The following USP20 variants were observed in gnomAD, a reference collection of about 807,000 sequenced individuals.
The protein encoded by USP20 is ubiquitin carboxyl-terminal hydrolase 20.
In USP20, 80 loss-of-function variants were observed where a neutral mutation model predicts 124.2. The ratio of observed to expected loss-of-function variants is 0.64; its 90% CI spans 0.54 to 0.78. The LOEUF (loss-of-function observed/expected upper bound fraction) is 0.78. Ranked by LOEUF, USP20 falls within the 30% of genes least tolerant of loss-of-function variation. The probability of loss-of-function intolerance (pLI) is 0.00; values close to 1 mark genes in which losing one functional copy is unlikely to be tolerated. For synonymous variants in USP20, 481 were observed against 512.3 expected (o/e 0.94, Z 0.83); for missense variants, 1,043 against 1,244.4 (o/e 0.84, Z 2.44).
At chr9:129,860,186 C>T (rs1460341921) in intron 6 of USP20, among the ~76,000 whole-genome samples, 2 of 152,116 alleles carry the variant, frequency 1.3e-5, no homozygotes, top group Non-Finnish European at 1.5e-5. Flanking sequence ...AAAAATTAGT[C>T]AGGCATAGTA....
In USP20 at chr9:129,848,202, A is replaced by C. The variant is rs1045760939; in HGVS notation, c.-128-1611A>C. Among the ~76,000 whole-genome samples the C allele has an allele frequency of 3.3e-5, 5 of 152,172 alleles. 1 individual carries two copies. The highest frequency in any genetic ancestry group is 1.2e-4 in the African/African-American group (5 of 41,422). ...TCCCAGCTACTCAAGGGGCTGAGGCAAGAGAATTGCTTGAACCCGGGAGGC... is the reference window on the plus strand; with the variant it reads ...TCCCAGCTACTCAAGGGGCTGAGGCCAGAGAATTGCTTGAACCCGGGAGGC... On this transcript the variant is annotated intron_variant, in intron 1 of 25. Transcript: ENST00000372429.
chr9:129,858,636 C>T, intron 6 of USP20, 38 bp downstream of exon 6: 1 of 1,607,878 alleles, frequency 6.2e-7, no homozygotes, highest in Non-Finnish European at 8.5e-7. Flanking sequence ...TTGTTGGTGA[C>T]ACTGTGTTGA....
In USP20 at chr9:129,879,316, G is replaced by A. The variant is rs2034540669; in HGVS notation, c.2513-257G>A. On this transcript the variant is annotated intron_variant, in intron 23 of 25. Coordinates refer to ENST00000372429, the MANE Select transcript of USP20 (RefSeq NM_001110303.4). The surrounding 1 kb of genome is among the most constrained non-coding windows in gnomAD (Gnocchi z 4.2). ...GCGTGGTGAGCGGCAGCTGCCAGCAGAGATAAGGGCATGGGCCATCCACCG... is the reference window on the plus strand; with the variant it reads ...GCGTGGTGAGCGGCAGCTGCCAGCAAAGATAAGGGCATGGGCCATCCACCG... The A allele has an allele frequency of 4.1e-6, 2 of 484,172 alleles. No individual in the cohort carries two copies. The highest frequency in any genetic ancestry group is 3.7e-6 in the Non-Finnish European group (1 of 271,706). The allele number at this position is 484,172 out of a possible 1,614,324, so 30.0% of individuals were successfully genotyped here. A position where few individuals can be genotyped will look rare whatever the true frequency, so the allele number is the denominator to read the frequency against.
At chr9:129,856,491 G>T (rs925415177) in intron 4 of USP20, 131 bp downstream of exon 4, 42 of 1,086,816 alleles carry the variant, frequency 3.9e-5, no homozygotes, top group Non-Finnish European at 5.7e-5. Context: ...CAGAAACCTT[G>T]GGCTGGGGCA....
intron 1 of USP20, among the ~76,000 whole-genome samples, chr9:129,837,114 G>C (rs558564925): frequency 6.6e-6 from 1 of 152,196 alleles, no homozygotes; most frequent in East Asian, 1.9e-4. Flanking sequence ...AGATCTAATT[G>C]AGTGCTCTTT....
Position 129,865,207 on chromosome 9 carries a change from ACT to A in USP20, c.612-93_612-92del, listed in dbSNP as rs1038361064. The stretch of plus-strand genomic sequence containing the variant: ...CTCCCCAAATGTCAGGAAACGCCAC[ACT>A]CTGATCCAGCCTGACGGGCTGGCTG... On this transcript the variant is annotated intron_variant, in intron 9 of 25. Coordinates refer to ENST00000372429, the MANE Select transcript of USP20 (RefSeq NM_001110303.4). 1.5e-5 allele frequency: 20 copies of A among 1,345,472 alleles called. No homozygotes were observed. The African/African-American group carries it at 2.9e-4, about 19-fold the overall frequency. 83.3% of individuals were successfully genotyped at this position (1,345,472 alleles called of 1,614,324 possible).
At position 129,868,874 on chromosome 9, in the gene USP20, A is replaced by G; in HGVS notation, c.1148A>G (p.Asp383Gly). ...TCTCTGCCCCCAGAGCCGGACAATG[A>G]TGCTCACCTACGCAGCTCCTCTCGC... ...SPCRTPEPDN[D>G]AHLRSSSRPC... is the part of the protein sequence containing the mutation. The change falls in exon 12 of 26, where the codon GAT (aspartate) becomes GGT (glycine). Residue 383 changes from aspartate to glycine, a missense_variant. Coordinates refer to ENST00000372429, the MANE Select transcript of USP20 (RefSeq NM_001110303.4). 6.3e-7 allele frequency: 1 copy of G among 1,578,618 alleles called. No individual in the cohort carries two copies. Among genetic ancestry groups the G allele is most frequent in the Non-Finnish European group, 8.6e-7 (1 of 1,157,998 alleles).
At chr9:129,847,299 CTTTTTTTT>C (rs35098457) in intron 1 of USP20, among the ~76,000 whole-genome samples, 6 of 130,868 alleles carry the variant, frequency 4.6e-5, no homozygotes, top group African/African-American at 1.4e-4. Flanking sequence ...ACAGCCAACA[CTTTTTTTT>C]TTTTTTTTTT....
At chr9:129,846,258 T>A (rs1233683011) in intron 1 of USP20, among the ~76,000 whole-genome samples, 134 of 122,098 alleles carry the variant, frequency 1.1e-3, no homozygotes, top group African/African-American at 3.9e-3. Context: ...TTTTTTTTTT[T>A]TTTTTTTTTT....
intron 4 of USP20, 89 bp from the exon 5 acceptor site, chr9:129,857,961 G>A: frequency 2.5e-6 from 3 of 1,196,336 alleles, no homozygotes; most frequent in Non-Finnish European, 3.7e-6. Flanking sequence ...GAGAGGTAGG[G>A]GCACTGACTT....
chr9:129,860,888 C>A (rs1241814993), intron 6 of USP20, 49 bp from the exon 7 acceptor site: 1 of 1,592,556 alleles, frequency 6.3e-7, no homozygotes, highest in South Asian at 1.1e-5. Flanking sequence ...GGGCCTCTGA[C>A]CCCAGCCCCT....
chr9:129,860,844 G>A, intron 6 of USP20, 93 bp from the exon 7 acceptor site: 1 of 1,310,748 alleles, frequency 7.6e-7, no homozygotes, highest in South Asian at 1.2e-5. Flanking sequence ...CTTCCGGGCA[G>A]TAGGGCTGGA....
chr9:129,836,723 G>C (rs1474413157), intron 1 of USP20, among the ~76,000 whole-genome samples: 1 of 152,210 alleles, frequency 6.6e-6, no homozygotes, highest in Non-Finnish European at 1.5e-5. Flanking sequence ...TCTTGCACCA[G>C]CGTTTTATCT....
In USP20 at chr9:129,863,285, C is replaced by T; in HGVS notation, c.597C>T (p.Val199=). The T allele has an allele frequency of 6.5e-7, 1 of 1,547,452 alleles. No individual in the cohort carries two copies. Among genetic ancestry groups the T allele is most frequent in the Admixed American group, 2.0e-5 (1 of 51,174 alleles). The stretch of plus-strand genomic sequence containing the variant: ...GCTACCAGAAGCTGGTCTCTGAGGT[C>T]TGGCATAAGAAACGGTGAGCAGCTG... ...CKSYQKLVSE[V]WHKKRPSYVV... is the part of the protein sequence containing the mutation. The change falls in exon 9 of 26, where the codon GTC becomes GTT. Residue 199 remains valine, a synonymous_variant. Coordinates refer to ENST00000372429, the MANE Select transcript of USP20 (RefSeq NM_001110303.4).
chr9:129,868,046 C>T lies in USP20; in HGVS notation c.732C>T (p.His244=), dbSNP rs767284449. Reference sequence around the variant, plus strand: ...TTCGCTGCCTGATGGACCAGCTGCACGAGGAGCTCAAGGAGCCGGTGGTGG... The same window carrying T: ...TTCGCTGCCTGATGGACCAGCTGCATGAGGAGCTCAAGGAGCCGGTGGTGG... ...EFLRCLMDQL[H]EELKEPVVAT... is the part of the protein sequence containing the mutation. The change falls in exon 11 of 26, where the codon CAC becomes CAT. Residue 244 remains histidine (H), a synonymous_variant. Transcript: ENST00000372429. 7.7e-5 allele frequency: 124 copies of T among 1,613,974 alleles called. No homozygotes were observed. In the Admixed American group the frequency reaches 1.1e-3, roughly 14 times the overall value.
rs565159346 is a variant in USP20 at position 129,845,075 on chromosome 9, T to TA, written c.-128-4733dup. On this transcript the variant is annotated intron_variant, in intron 1 of 25. Coordinates refer to ENST00000372429, the MANE Select transcript of USP20 (RefSeq NM_001110303.4). ...CCTGGTCTCTAAATAAATAAATAGA[T>TA]AAAAATACAAAAAACACATGTTGAG... Among the ~76,000 whole-genome samples the TA allele has an allele frequency of 6.6e-4, 101 of 152,136 alleles. 1 individual carries two copies. Among genetic ancestry groups the TA allele is most frequent in the African/African-American group, 2.2e-3 (91 of 41,494 alleles).
chr9:129,838,178 A>G (rs1203719662), intron 1 of USP20, among the ~76,000 whole-genome samples: 2 of 151,646 alleles, frequency 1.3e-5, no homozygotes, highest in Non-Finnish European at 2.9e-5. Flanking sequence ...AGTAGCTGGG[A>G]TTACAGGCGC....
intron 2 of USP20, among the ~76,000 whole-genome samples, chr9:129,852,069 C>G (rs566727726): frequency 2.6e-5 from 4 of 152,298 alleles, no homozygotes; most frequent in Admixed American, 2.0e-4. Flanking sequence ...TTGAGAAGAC[C>G]TATGTCAACA....
At chr9:129,858,171 C>T in intron 5 of USP20, 59 bp downstream of exon 5, 2 of 1,564,834 alleles carry the variant, frequency 1.3e-6, no homozygotes, top group Non-Finnish European at 1.8e-6. Flanking sequence ...GTTCAAACCC[C>T]AGCTCCACCT....
Sources: allele counts gnomAD v4.1 joint callset (sites outside exome capture counted in the v4.1 genomes callset), GRCh38; gene constraint gnomAD v4.1.1; non-coding constraint Gnocchi (gnomAD v3.1); transcripts MANE v1.5; gene names NCBI Gene and HGNC (gene_info 2026-07-23, HGNC 2026-07-21).